The following CSMD1 variants were observed in gnomAD, a reference collection of about 807,000 sequenced individuals.
CSMD1 encodes CUB and sushi domain-containing protein 1.
A neutral mutation model predicts 417.5 loss-of-function variants in CSMD1; 213 were observed. The observed-to-expected ratio is 0.51, with a 90% CI of 0.46 to 0.57. CSMD1 has a LOEUF of 0.57. Ranked by LOEUF, CSMD1 falls within the 20% of genes least tolerant of loss-of-function variation. The pLI, the probability that CSMD1 is intolerant of heterozygous loss-of-function variation, is 0.00. For synonymous variants in CSMD1, 2,862 were observed against 1,736.8 expected, an observed-to-expected ratio of 1.65 and a Z score of -16.11; for missense variants, 6,923 against 4,529.7, an observed-to-expected ratio of 1.53 and a Z score of -15.17.
chr8:4,379,317 A>G (rs1392201409), intron 3 of CSMD1, among the ~76,000 whole-genome samples: 1 of 152,230 alleles, frequency 6.6e-6, no homozygotes, highest in Non-Finnish European at 1.5e-5. Context: ...ACAAGGAAAG[A>G]CTAATTAGCT....
At chr8:3,884,220 T>A (rs1806400339) in intron 5 of CSMD1, among the ~76,000 whole-genome samples, 1 of 152,202 alleles carries the variant, frequency 6.6e-6, no homozygotes. Context: ...TAATAAGCCT[T>A]CCATTATCCT....
chr8:3,157,035 G>C (rs1819580329), intron 39 of CSMD1, among the ~76,000 whole-genome samples: 1 of 149,104 alleles, frequency 6.7e-6, no homozygotes, highest in African/African-American at 2.5e-5. Context: ...AGCATTCGCA[G>C]AGGAAGTAGA....
intron 5 of CSMD1, among the ~76,000 whole-genome samples, chr8:3,790,922 G>A (rs189178375): frequency 1.4e-4 from 22 of 152,248 alleles, no homozygotes; most frequent in Middle Eastern, 3.4e-3. Context: ...CAGGTCCTAA[G>A]AGCAACAGAT....
chr8:4,623,730 G>T (rs967551326), intron 2 of CSMD1, among the ~76,000 whole-genome samples: 1 of 152,052 alleles, frequency 6.6e-6, no homozygotes, highest in Non-Finnish European at 1.5e-5. Context: ...GGCATATACA[G>T]ATGTGTGTGT....
intron 2 of CSMD1, among the ~76,000 whole-genome samples, chr8:4,460,032 C>T (rs1401950488): frequency 6.6e-6 from 1 of 152,152 alleles, no homozygotes; most frequent in Non-Finnish European, 1.5e-5. Context: ...GAACAGACAT[C>T]TACAGAACAT....
At chr8:4,549,753 T>C (rs1363423618) in intron 2 of CSMD1, among the ~76,000 whole-genome samples, 2 of 151,348 alleles carry the variant, frequency 1.3e-5, no homozygotes, top group East Asian at 3.9e-4. Context: ...AAAAATTAGC[T>C]GGGTGTGGTG....
intron 3 of CSMD1, among the ~76,000 whole-genome samples, chr8:4,359,739 C>T (rs578100310): frequency 1.3e-5 from 2 of 152,196 alleles, no homozygotes; most frequent in East Asian, 3.9e-4. Context: ...GCCTGGCCCA[C>T]TTCTACATTC....
intron 26 of CSMD1, among the ~76,000 whole-genome samples, chr8:3,267,430 G>C (rs998085823): frequency 1.3e-5 from 2 of 152,226 alleles, no homozygotes; most frequent in Admixed American, 6.5e-5. Context: ...GATGGCAGTT[G>C]AGCAGTTGCG....
intron 5 of CSMD1, among the ~76,000 whole-genome samples, chr8:3,869,099 G>A (rs905924514): frequency 6.6e-6 from 1 of 152,156 alleles, no homozygotes; most frequent in African/African-American, 2.4e-5. Context: ...GGTGTCTAGT[G>A]TCACTCTCCT....
At chr8:4,153,557 C>T (rs573666333) in intron 3 of CSMD1, among the ~76,000 whole-genome samples, 1 of 152,312 alleles carries the variant, frequency 6.6e-6, no homozygotes, top group African/African-American at 2.4e-5. Context: ...GCGGCCTCCA[C>T]GCAATCATGG....
At chr8:4,011,245 G>T (rs17068532) in intron 4 of CSMD1, among the ~76,000 whole-genome samples, 4 of 151,976 alleles carry the variant, frequency 2.6e-5, no homozygotes, top group Middle Eastern at 3.2e-3. Flanking sequence ...TTTAAGCCAC[G>T]ACTTTACCAG....
chr8:4,779,821 C>A (rs1389910437), intron 1 of CSMD1, among the ~76,000 whole-genome samples: 3 of 152,158 alleles, frequency 2.0e-5, no homozygotes, highest in Non-Finnish European at 2.9e-5. Flanking sequence ...GGCCTGGAAG[C>A]CTGCTAAGCA....
chr8:4,140,901 G>C (rs890747540), intron 3 of CSMD1, among the ~76,000 whole-genome samples: 1 of 151,094 alleles, frequency 6.6e-6, no homozygotes, highest in Non-Finnish European at 1.5e-5. Flanking sequence ...CACAGGCTCA[G>C]TAGGGCCGAC....
chr8:4,977,699 G>C (rs1314143318), intron 1 of CSMD1, among the ~76,000 whole-genome samples: 2 of 152,302 alleles, frequency 1.3e-5, no homozygotes, highest in Middle Eastern at 6.8e-3. Context: ...GCCTCCTAAG[G>C]AGGTCCCATT....
chr8:4,835,318 G>C (rs890125718), intron 1 of CSMD1, among the ~76,000 whole-genome samples: 4 of 152,180 alleles, frequency 2.6e-5, no homozygotes, highest in African/African-American at 4.8e-5. Flanking sequence ...AGTGGAGACA[G>C]GTTGACCATG....
intron 3 of CSMD1, among the ~76,000 whole-genome samples, chr8:4,253,940 G>GGAGTCTT (rs1803263433): frequency 9.2e-6 from 1 of 108,998 alleles, no homozygotes; most frequent in Non-Finnish European, 1.7e-5. Context: ...TTTTTGAGAT[G>GGAGTCTT]GAGTCTTGCT....
intron 3 of CSMD1, among the ~76,000 whole-genome samples, chr8:4,286,538 T>C (rs1328418249): frequency 1.3e-5 from 2 of 152,032 alleles, no homozygotes; most frequent in South Asian, 2.1e-4. Context: ...TATGGTCTCA[T>C]CATTAAGAAC....
chr8:4,721,790 G>C (rs909049598), intron 1 of CSMD1, among the ~76,000 whole-genome samples: 1 of 152,040 alleles, frequency 6.6e-6, no homozygotes, highest in Non-Finnish European at 1.5e-5. Context: ...CAATAGCCAA[G>C]GTATGTAAAG....
At chr8:3,158,842 T>A (rs929988024) in intron 38 of CSMD1, among the ~76,000 whole-genome samples, 1 of 152,050 alleles carries the variant, frequency 6.6e-6, no homozygotes, top group Non-Finnish European at 1.5e-5. Flanking sequence ...ATAGAGGCAA[T>A]TGAAAAACAA....
Sources: allele counts gnomAD v4.1 joint callset (sites outside exome capture counted in the v4.1 genomes callset), GRCh38; gene constraint gnomAD v4.1.1; transcripts MANE v1.5; gene names NCBI Gene and HGNC (gene_info 2026-07-23, HGNC 2026-07-21).